The following TLE2 variants were observed in gnomAD, a reference collection of about 807,000 sequenced individuals.
TLE2 encodes the protein TLE family member 2, transcriptional corepressor.
TLE2 carries 74 observed loss-of-function variants against 97.2 expected under a neutral mutation model. The observed-to-expected ratio is 0.76, with a 90% CI of 0.63 to 0.92. The LOEUF (loss-of-function observed/expected upper bound fraction) is 0.92. TLE2 is among the 40% of genes least tolerant of loss of function. The pLI is 0.00. For synonymous variants in TLE2, 499 were observed against 432.1 expected, an observed-to-expected ratio of 1.15 and a Z score of -1.92; for missense variants, 1,038 against 1,008.7, an observed-to-expected ratio of 1.03 and a Z score of -0.39.
chr19:3,040,559 G>A (rs1028556418), intron 1 of TLE2, among the ~76,000 whole-genome samples: 1 of 151,804 alleles, frequency 6.6e-6, no homozygotes, highest in Non-Finnish European at 1.5e-5. Flanking sequence ...GGCTGGTTTC[G>A]AACTCCTGGC....
At position 3,011,175 on chromosome 19, in the gene TLE2, C is replaced by T; in HGVS notation, c.874-15G>A. ...GGAAGGTCATTCTGCAGAGAAAGGG[C>T]AGGACTGAAGGCCACCAGGCACCTG... On this transcript the variant is annotated splice_polypyrimidine_tract_variant and intron_variant, in intron 11 of 19. Coordinates refer to ENST00000262953, the MANE Select transcript of TLE2 (RefSeq NM_003260.5). 6.4e-7 allele frequency: 1 copy of T among 1,573,810 alleles called. No individual in the cohort carries two copies.
chr19:3,006,353 G>T, intron 15 of TLE2, 67 bp downstream of exon 15: 2 of 1,557,814 alleles, frequency 1.3e-6, no homozygotes, highest in Non-Finnish European at 8.7e-7. Context: ...TGCGAACACC[G>T]CCCCATTGGA....
Position 3,019,587 on chromosome 19 carries a change from C to T in TLE2, c.369+112G>A. ...GCATGTGCCCCTGGGGTTCCCAGGA[C>T]CACTGGAGCCAAGGCCCACACACCA... On this transcript the variant is annotated intron_variant, in intron 6 of 19. Coordinates refer to ENST00000262953, the MANE Select transcript of TLE2 (RefSeq NM_003260.5). The surrounding 1 kb of genome is among the most constrained non-coding windows in gnomAD (Gnocchi z 5.1). 2 of 1,512,912 alleles carry T rather than the reference C, an allele frequency of 1.3e-6. No homozygotes were observed. Among genetic ancestry groups the T allele is most frequent in the South Asian group, 1.3e-5 (1 of 78,228 alleles). The allele number at this position is 1,512,912 out of a possible 1,614,324, so 93.7% of individuals were successfully genotyped here. A position where few individuals can be genotyped will look rare whatever the true frequency, so the allele number is the denominator to read the frequency against.
In TLE2 at chr19:3,019,404, G is replaced by A. The variant is rs557979975; in HGVS notation, c.429C>T (p.Ala143=). The change falls in exon 7 of 20, where the codon GCC becomes GCT. Residue 143 remains alanine (A), a synonymous_variant. Transcript: ENST00000262953. The surrounding 1 kb of genome is among the most constrained non-coding windows in gnomAD (Gnocchi z 5.1). The part of the protein sequence containing the change: ...APPVPLTPRP[A]GLVGGSATGL... ...CCGTAGCACTGCCGCCCACCAGCCC[G>A]GCTGGGCGGGGGGTGAGGGGCACAG... 64 of 1,539,614 alleles carry A rather than the reference G, an allele frequency of 4.2e-5. No individual in the cohort carries two copies. The African/African-American group carries it at 5.7e-4, about 14-fold the overall frequency.
chr19:3,013,927 GACCC>G (rs2089648854), intron 10 of TLE2, 109 bp from the exon 11 acceptor site: 2 of 1,078,728 alleles, frequency 1.9e-6, no homozygotes, highest in Non-Finnish European at 1.2e-6. Flanking sequence ...GGGTACCCAT[GACCC>G]ACCATGGGAA....
chr19:3,010,362 C>T (rs1296243462), intron 12 of TLE2, among the ~76,000 whole-genome samples: 1 of 136,308 alleles, frequency 7.3e-6, no homozygotes, highest in Non-Finnish European at 1.6e-5. Context: ...GAAACTCCGT[C>T]TCAAAAAAAA....
Position 2,997,761 on chromosome 19 carries a change from G to T in TLE2, c.*87C>A, listed in dbSNP as rs572928285. ...GATGGGATGTACGGTTCCTAGGCAG[G>T]GCTGGGAGGCGGCTGCTAGGATGTC... On this transcript the variant is annotated 3_prime_UTR_variant, in exon 20 of 20. Transcript: ENST00000262953. 7 of 952,506 alleles carry T rather than the reference G, an allele frequency of 7.3e-6. No homozygotes were observed. The highest frequency in any genetic ancestry group is 4.9e-5 in the African/African-American group (3 of 61,756). 59.0% of individuals were successfully genotyped at this position (952,506 alleles called of 1,614,324 possible).
intron 17 of TLE2, among the ~76,000 whole-genome samples, chr19:3,004,394 C>T (rs2089429737): frequency 6.6e-6 from 1 of 151,856 alleles, no homozygotes; most frequent in Non-Finnish European, 1.5e-5. Flanking sequence ...AATTCCCACA[C>T]TGGGAAGCCG....
At chr19:3,005,416 C>A in intron 17 of TLE2, 21 bp downstream of exon 17, 1 of 1,611,868 alleles carries the variant, frequency 6.2e-7, no homozygotes, top group East Asian at 2.2e-5. Flanking sequence ...CCATCCCCCT[C>A]CTGCCAGAAC....
chr19:3,044,889 A>C (rs546537400), intron 1 of TLE2, among the ~76,000 whole-genome samples: 1 of 152,348 alleles, frequency 6.6e-6, no homozygotes, highest in South Asian at 2.1e-4. Context: ...TTGTTGGGAT[A>C]AATTGTGCGG....
At chr19:3,027,982 C>A in intron 3 of TLE2, 109 bp from the exon 4 acceptor site, 1 of 1,158,862 alleles carries the variant, frequency 8.6e-7, no homozygotes, top group Non-Finnish European at 1.3e-6. Flanking sequence ...GGAATCACAG[C>A]AGGAAGCAGA....
Position 3,002,705 on chromosome 19 carries a change from T to A in TLE2, c.1897-202A>T, listed in dbSNP as rs573348815. ...CATGCACCATCACGCTGGATAATCT[T>A]TTTTTTTTTTTGAGACAGAGTCTCA... On this transcript the variant is annotated intron_variant, in intron 17 of 19. Coordinates refer to ENST00000262953, the MANE Select transcript of TLE2 (RefSeq NM_003260.5). 2.0e-5 allele frequency among the ~76,000 whole-genome samples: 3 copies of A among 148,304 alleles called. No homozygotes were observed. In the East Asian group the frequency reaches 5.9e-4, roughly 29 times the overall value.
chr19:3,029,853 G>C (rs1426434718), upstream of TLE2, among the ~76,000 whole-genome samples: 1 of 152,106 alleles, frequency 6.6e-6, no homozygotes, highest in Non-Finnish European at 1.5e-5. Context: ...CTGGAGTACA[G>C]TGGGGCAATC....
At chr19:3,015,620 G>A (rs372735010) in intron 9 of TLE2, 33 bp downstream of exon 9, 176 of 1,546,378 alleles carry the variant, frequency 1.1e-4, no homozygotes, top group Non-Finnish European at 1.5e-4. Context: ...GGCCATGCAC[G>A]CCCATCCCAG....
At chr19:3,002,235 A>T in intron 18 of TLE2, 118 bp downstream of exon 18, 1 of 1,263,756 alleles carries the variant, frequency 7.9e-7, no homozygotes, top group Non-Finnish European at 1.1e-6. Flanking sequence ...GCTTTTGAGT[A>T]TATAAAACTT....
At chr19:2,998,267 G>C (rs1267314962) in intron 19 of TLE2, among the ~76,000 whole-genome samples, 1 of 113,582 alleles carries the variant, frequency 8.8e-6, no homozygotes, top group Non-Finnish European at 1.8e-5. Context: ...GTGTGTGTGT[G>C]TGTGTGTGTA....
At chr19:3,039,893 G>T (rs1170752929) in intron 1 of TLE2, among the ~76,000 whole-genome samples, 1 of 152,150 alleles carries the variant, frequency 6.6e-6, no homozygotes, top group African/African-American at 2.4e-5. Flanking sequence ...CCCCACCTCC[G>T]CCACTGCGTC....
In TLE2 at chr19:3,014,576, C is replaced by T. The variant is rs1258595017; in HGVS notation, c.717G>A (p.Val239=). 1.3e-6 allele frequency: 2 copies of T among 1,590,486 alleles called. No homozygotes were observed. Among genetic ancestry groups the T allele is most frequent in the South Asian group, 2.3e-5 (2 of 87,320 alleles). Residue 239 remains valine (V), a synonymous_variant, in exon 10 of 20, where the codon GTG becomes GTA. Coordinates refer to ENST00000262953, the MANE Select transcript of TLE2 (RefSeq NM_003260.5). ...GCTGGACCCCTGGACTCACCTCGTC[C>T]ACCACCAGATTGTAATCACTCTTGT... ...DEDKSDYNLV[V]DEDQPSEPPS...
chr19:3,041,652 A>G (rs183179728), intron 1 of TLE2, among the ~76,000 whole-genome samples: 8 of 152,122 alleles, frequency 5.3e-5, no homozygotes, highest in Non-Finnish European at 8.8e-5. Flanking sequence ...GTCTTGACCT[A>G]TTTTCCAAAC....
Sources: allele counts gnomAD v4.1 joint callset (sites outside exome capture counted in the v4.1 genomes callset), GRCh38; gene constraint gnomAD v4.1.1; non-coding constraint Gnocchi (gnomAD v3.1); transcripts MANE v1.5; gene names NCBI Gene and HGNC (gene_info 2026-07-23, HGNC 2026-07-21).